The following TUT7 variants were observed in gnomAD, a reference collection of about 807,000 sequenced individuals.
The protein encoded by TUT7 is terminal uridylyltransferase 7.
In TUT7, 33 loss-of-function variants were observed where a neutral mutation model predicts 165.9. The ratio of observed to expected loss-of-function variants is 0.20; its 90% CI spans 0.15 to 0.27. The LOEUF (loss-of-function observed/expected upper bound fraction) is 0.27. TUT7 is among the 10% of genes least tolerant of loss of function. The pLI is 1.00. For missense variants in TUT7, 1,338 were observed against 1,762.3 expected, an observed-to-expected ratio of 0.76 and a Z score of 4.31; for synonymous variants, 552 against 608.1, an observed-to-expected ratio of 0.91 and a Z score of 1.36.
intron 9 of TUT7, among the ~76,000 whole-genome samples, chr9:86,338,521 A>G (rs890962715): frequency 6.6e-6 from 1 of 152,188 alleles, no homozygotes; most frequent in African/African-American, 2.4e-5. Context: ...CCTGTGCCTA[A>G]CAACCACTGT....
At chr9:86,326,737 T>C (rs930746623) in intron 11 of TUT7, among the ~76,000 whole-genome samples, 2 of 152,242 alleles carry the variant, frequency 1.3e-5, no homozygotes, top group Admixed American at 1.3e-4. Context: ...AAGGTTGCAC[T>C]GCCTGGCAGT....
intron 17 of TUT7, 80 bp downstream of exon 17, chr9:86,317,139 C>T (rs1828799976): frequency 3.1e-6 from 4 of 1,274,484 alleles, no homozygotes; most frequent in African/African-American, 1.5e-5. Flanking sequence ...GAACAAATAC[C>T]CCATGGATAC....
intron 2 of TUT7, 31 bp from the exon 3 acceptor site, chr9:86,346,511 T>A: frequency 1.9e-6 from 3 of 1,601,240 alleles, no homozygotes; most frequent in Non-Finnish European, 2.6e-6. Context: ...TTATTGGCAA[T>A]ATTAAATAAT....
chr9:86,299,823 A>G (rs1174240278), intron 26 of TUT7, among the ~76,000 whole-genome samples: 9 of 152,172 alleles, frequency 5.9e-5, no homozygotes. Context: ...GACTGTAATA[A>G]TGTTTCAGTC....
At chr9:86,325,106 C>A (rs1266970077) in intron 12 of TUT7, among the ~76,000 whole-genome samples, 1 of 152,210 alleles carries the variant, frequency 6.6e-6, no homozygotes, top group African/African-American at 2.4e-5. Context: ...AAGGACTCAG[C>A]CAGCCATTAT....
intron 8 of TUT7, 167 bp downstream of exon 8, chr9:86,339,869 C>T: frequency 2.1e-6 from 1 of 481,958 alleles, no homozygotes; most frequent in Non-Finnish European, 3.7e-6. Flanking sequence ...GAGATTTTCC[C>T]CTTTTACATC....
chr9:86,327,470 G>A lies in TUT7; in HGVS notation c.1608+870C>T, dbSNP rs1229939495. ...GGAGGAAACTGGTGCACAGAAAGGCGAAGTCACTTGCCCAAGGACACACAG... is the reference window on the plus strand; with the variant it reads ...GGAGGAAACTGGTGCACAGAAAGGCAAAGTCACTTGCCCAAGGACACACAG... On this transcript the variant is annotated intron_variant, in intron 11 of 26. Coordinates refer to ENST00000375963, the MANE Select transcript of TUT7 (RefSeq NM_024617.4). Among the ~76,000 whole-genome samples the A allele has an allele frequency of 2.6e-5, 4 of 152,336 alleles. No homozygotes were observed. The East Asian group carries it at 7.7e-4, about 29-fold the overall frequency.
At chr9:86,333,746 G>T (rs1312474465) in intron 10 of TUT7, among the ~76,000 whole-genome samples, 1 of 152,168 alleles carries the variant, frequency 6.6e-6, no homozygotes, top group Non-Finnish European at 1.5e-5. Flanking sequence ...TCTTCAAGCT[G>T]TGCTTTTTGC....
chr9:86,317,264 C>A lies in TUT7; in HGVS notation c.3229G>T (p.Val1077Phe), dbSNP rs192361493. ...GLETAEGLDC[V>F]RTIEELARVL... is the part of the protein sequence containing the mutation. ...CTTGCTAATTCTTCAATAGTTCTGA[C>A]ACAGTCCAATCCCTACAACAAAGAA... Residue 1077 changes from valine (V) to phenylalanine (F), a missense_variant, in exon 17 of 27, where the codon GTC (valine) becomes TTC (phenylalanine). By Grantham distance (50) the Val-to-Phe change is conservative. Around this residue, in one of 7 missense-constraint regions of TUT7, gnomAD observed 157 missense variants for 357.5 expected, o/e 0.44. Coordinates refer to ENST00000375963, the MANE Select transcript of TUT7 (RefSeq NM_024617.4). 6.2e-7 allele frequency: 1 copy of A among 1,613,724 alleles called. No homozygotes were observed. The highest frequency in any genetic ancestry group is 1.3e-5 in the African/African-American group (1 of 74,914).
intron 19 of TUT7, 28 bp from the exon 20 acceptor site, chr9:86,309,604 G>C: frequency 6.5e-7 from 1 of 1,545,814 alleles, no homozygotes; most frequent in South Asian, 1.2e-5. Flanking sequence ...CAAGAACAAA[G>C]GAAAGGTCTG....
intron 26 of TUT7, among the ~76,000 whole-genome samples, chr9:86,296,573 G>T (rs1246382650): frequency 6.6e-6 from 1 of 152,174 alleles, no homozygotes; most frequent in Non-Finnish European, 1.5e-5. Flanking sequence ...AGAGGAAAGA[G>T]AACTTGACTG....
intron 24 of TUT7, among the ~76,000 whole-genome samples, chr9:86,303,674 C>T (rs1462453944): frequency 6.6e-6 from 1 of 152,122 alleles, no homozygotes; most frequent in Admixed American, 6.5e-5. Context: ...AATAACAGAA[C>T]AAAGGAAAGA....
intron 17 of TUT7, among the ~76,000 whole-genome samples, chr9:86,316,308 T>C (rs1828716106): frequency 6.6e-6 from 1 of 152,110 alleles, no homozygotes. Flanking sequence ...AATTTATCAA[T>C]GAAAAAAAGA....
intron 2 of TUT7, among the ~76,000 whole-genome samples, chr9:86,347,825 C>T (rs570741618): frequency 7.9e-5 from 12 of 152,164 alleles, no homozygotes; most frequent in African/African-American, 1.9e-4. Flanking sequence ...AATACTCCCC[C>T]GACTCCCAAT....
Position 86,340,117 on chromosome 9 carries a change from A to G in TUT7, c.1139-12T>C. The G allele has an allele frequency of 6.2e-7, 1 of 1,610,380 alleles. No individual in the cohort carries two copies. Among genetic ancestry groups the G allele is most frequent in the Non-Finnish European group, 8.5e-7 (1 of 1,177,044 alleles). ...ATCAATAAAGGAGTCTGAGGAAAGA[A>G]GAAGAAAAATATTAAGTTGGTTAAT... On this transcript the variant is annotated splice_polypyrimidine_tract_variant and intron_variant, in intron 7 of 26. Coordinates refer to ENST00000375963, the MANE Select transcript of TUT7 (RefSeq NM_024617.4).
chr9:86,349,645 C>T (rs1010314041), intron 2 of TUT7, among the ~76,000 whole-genome samples: 19 of 152,242 alleles, frequency 1.2e-4, no homozygotes, highest in African/African-American at 4.6e-4. Flanking sequence ...CTTATTAAGA[C>T]ACAATTTTGA....
chr9:86,314,390 C>CA (rs11369230), intron 17 of TUT7, among the ~76,000 whole-genome samples: 67,270 of 151,760 alleles, frequency 0.44, 15,114 homozygotes, highest in Middle Eastern at 0.6. Context: ...GCTTTCAATG[C>CA]AAAAAAACTG....
At position 86,340,042 on chromosome 9, in the gene TUT7, T is replaced by C; in HGVS notation, c.1202A>G (p.Lys401Arg). Residue 401 changes from lysine to arginine, a missense_variant, in exon 8 of 27, where the codon AAG becomes AGG. By Grantham distance (26) the Lys-to-Arg change is conservative (BLOSUM62 2). Transcript: ENST00000375963. The stretch of plus-strand genomic sequence containing the variant: ...CAGTTTAAAGAAATGAGACCTTTGC[T>C]TTTCTCTGCACACCACCACTGGCAC... ...ARVPVVVCRE[K>R]QSGLLCKVSA... The C allele has an allele frequency of 6.2e-7, 1 of 1,613,712 alleles. No homozygotes were observed. Among genetic ancestry groups the C allele is most frequent in the Non-Finnish European group, 8.5e-7 (1 of 1,179,680 alleles).
intron 26 of TUT7, among the ~76,000 whole-genome samples, chr9:86,292,438 C>T (rs908801372): frequency 5.3e-5 from 8 of 150,410 alleles, no homozygotes; most frequent in African/African-American, 2.0e-4. Context: ...CACTACACTC[C>T]AGCCTGGGTG....
Sources: allele counts gnomAD v4.1 joint callset (sites outside exome capture counted in the v4.1 genomes callset), GRCh38; gene constraint gnomAD v4.1.1; regional missense constraint gnomAD v4.1.1; transcripts MANE v1.5; gene names NCBI Gene and HGNC (gene_info 2026-07-23, HGNC 2026-07-21).